Variants in CPXM2 observed in about 807,000 individuals in gnomAD.
CPXM2 encodes the protein inactive carboxypeptidase-like protein X2.
Under a neutral mutation model 86.1 loss-of-function variants are expected in CPXM2, and 66 were observed. The ratio of observed to expected loss-of-function variants is 0.77; its 90% CI spans 0.63 to 0.94. The LOEUF (loss-of-function observed/expected upper bound fraction) is 0.94, where lower values mean the gene tolerates loss of function less well. Among genes scored for constraint, CPXM2 ranks in the 40% least tolerant of loss-of-function variants. The pLI is 0.00. For missense variants in CPXM2, 948 were observed against 1,026.3 expected (o/e 0.92, Z 1.04); for synonymous variants, 388 against 400.2 (o/e 0.97, Z 0.36).
intron 13 of CPXM2, among the ~76,000 whole-genome samples, chr10:123,748,304 A>G (rs1846007700): frequency 1.3e-5 from 2 of 152,162 alleles, no homozygotes; most frequent in Admixed American, 1.3e-4. Flanking sequence ...GGTTTGATCA[A>G]GTACTAAGTA....
intron 1 of CPXM2, among the ~76,000 whole-genome samples, chr10:123,886,151 T>C (rs1417310870): frequency 6.6e-6 from 1 of 152,244 alleles, no homozygotes. Flanking sequence ...CAAAACACTT[T>C]GGATTTAACT....
At chr10:123,907,759 C>T (rs908005602) in intron 2 of CPXM2, among the ~76,000 whole-genome samples, 7 of 130,608 alleles carry the variant, frequency 5.4e-5, no homozygotes, top group Admixed American at 7.7e-5. Flanking sequence ...GACTGGACCC[C>T]GCAAGGCGCC....
chr10:123,869,989 TG>T (rs994184055), intron 2 of CPXM2, among the ~76,000 whole-genome samples: 7 of 151,926 alleles, frequency 4.6e-5, no homozygotes, highest in Admixed American at 2.0e-4. Flanking sequence ...GTCCAGGGGG[TG>T]GGGGGCCGTT....
intron 6 of CPXM2, among the ~76,000 whole-genome samples, chr10:123,784,845 A>G (rs1037823010): frequency 7.9e-5 from 12 of 152,232 alleles, no homozygotes; most frequent in Admixed American, 3.3e-4. Flanking sequence ...CGATTGAGGC[A>G]GAAGAATAGG....
chr10:123,819,288 C>T (rs1847877540), intron 4 of CPXM2, among the ~76,000 whole-genome samples: 1 of 152,152 alleles, frequency 6.6e-6, no homozygotes, highest in African/African-American at 2.4e-5. Flanking sequence ...TGGGAAGCTA[C>T]AACAGCCCAA....
chr10:123,842,370 T>C lies in CPXM2; in HGVS notation c.632A>G (p.Gln211Arg), dbSNP rs751859621. ...TCACAGCCAGAGGGAGTTCCTCCCT[T>C]GAGTGATGACACCAGTGAATCTGGT... ...RLTRFTGVITQGRNSLWLSDW... is the reference protein window; with the variant it reads ...RLTRFTGVITRGRNSLWLSDW... Residue 211 changes from glutamine (Q) to arginine (R), a missense_variant, in exon 4 of 14, where the codon CAA (glutamine) becomes CGA (arginine). Gln to Arg is a conservative substitution (Grantham distance 43). Coordinates refer to ENST00000241305, the MANE Select transcript of CPXM2 (RefSeq NM_198148.3). 1.9e-6 allele frequency: 3 copies of C among 1,614,108 alleles called. No homozygotes were observed. The highest frequency in any genetic ancestry group is 2.5e-6 in the Non-Finnish European group (3 of 1,180,048).
chr10:123,923,733 A>T (rs1009376856), intron 2 of CPXM2, among the ~76,000 whole-genome samples: 14 of 152,174 alleles, frequency 9.2e-5, no homozygotes, highest in African/African-American at 3.1e-4. Context: ...CCAGTGGGAG[A>T]TAATTGAATC....
intron 12 of CPXM2, among the ~76,000 whole-genome samples, chr10:123,755,194 C>T (rs1043285656): frequency 4.6e-5 from 7 of 152,220 alleles, no homozygotes; most frequent in South Asian, 4.1e-4. Context: ...GGCATGCTTT[C>T]GGCATGCCCT....
intron 2 of CPXM2, among the ~76,000 whole-genome samples, chr10:123,923,537 C>T (rs1202708185): frequency 7.3e-5 from 11 of 150,402 alleles, no homozygotes; most frequent in South Asian, 2.1e-4. Flanking sequence ...GCCGAGATCG[C>T]GCCACTGCAC....
intron 3 of CPXM2, among the ~76,000 whole-genome samples, chr10:123,857,717 A>G (rs1848766307): frequency 6.6e-6 from 1 of 152,128 alleles, no homozygotes; most frequent in Non-Finnish European, 1.5e-5. Context: ...GGCAAAACGG[A>G]GAAGAACCTG....
chr10:123,919,276 C>T (rs1945561988), intron 2 of CPXM2, among the ~76,000 whole-genome samples: 1 of 152,212 alleles, frequency 6.6e-6, no homozygotes, highest in African/African-American at 2.4e-5. Context: ...TGGTCCATTC[C>T]TAACCAGCTT....
At chr10:123,912,311 G>T (rs1356430880) in intron 2 of CPXM2, among the ~76,000 whole-genome samples, 1 of 121,820 alleles carries the variant, frequency 8.2e-6, no homozygotes, top group Non-Finnish European at 1.8e-5. Flanking sequence ...TGGTGGGCGG[G>T]GGGGGGGGGG....
intron 6 of CPXM2, among the ~76,000 whole-genome samples, chr10:123,788,279 CA>C (rs55818352): frequency 0.19 from 23,699 of 123,890 alleles, 2,131 homozygotes; most frequent in East Asian, 0.43. Flanking sequence ...GACCCCATCT[CA>C]AAAAAAAAAA....
chr10:123,796,928 A>C (rs1334933761), intron 6 of CPXM2, among the ~76,000 whole-genome samples: 2 of 152,200 alleles, frequency 1.3e-5, no homozygotes, highest in East Asian at 3.9e-4. Context: ...TGAAGTGATG[A>C]GGCCCTGTAG....
At chr10:123,781,258 T>A (rs1044657328) in intron 6 of CPXM2, among the ~76,000 whole-genome samples, 25 of 152,188 alleles carry the variant, frequency 1.6e-4, no homozygotes, top group African/African-American at 5.1e-4. Context: ...AGGGAGGCAA[T>A]GTCTGCTCTT....
In CPXM2 at chr10:123,862,638, TG is replaced by T; in HGVS notation, c.488del (p.Ala163AspfsTer40). 6.2e-7 allele frequency: 1 copy of T among 1,614,174 alleles called. No homozygotes were observed. The highest frequency in any genetic ancestry group is 8.5e-7 in the Non-Finnish European group (1 of 1,180,014). ...CCTGGATGTTGAGTCTCCCTCGATGTGCCCCCAGGCCATAGCGCTTCACCGT... is the reference window on the plus strand; with the variant it reads ...CCTGGATGTTGAGTCTCCCTCGATGTCCCCCAGGCCATAGCGCTTCACCGT... ...ASTVKRYGLG[A>X]HRGRLNIQAG... On this transcript the variant is annotated frameshift_variant, in exon 3 of 14. Transcript: ENST00000241305. LOFTEE classifies it high-confidence loss of function.
intron 4 of CPXM2, among the ~76,000 whole-genome samples, chr10:123,837,824 T>C (rs59497975): frequency 0.19 from 29,193 of 152,216 alleles, 3,607 homozygotes; most frequent in African/African-American, 0.35. Flanking sequence ...CTAATAAAAC[T>C]GCGGTTGTAG....
chr10:123,940,224 A>G (rs1307996872), exon 1 of CPXM2: 1 of 152,292 alleles, frequency 6.6e-6, no homozygotes, highest in Non-Finnish European at 1.5e-5. Flanking sequence ...CTTCCCTGAA[A>G]GCTGCTGCCT....
intron 2 of CPXM2, among the ~76,000 whole-genome samples, chr10:123,936,359 T>C (rs568079167): frequency 1.3e-5 from 2 of 152,310 alleles, no homozygotes; most frequent in Middle Eastern, 3.4e-3. Flanking sequence ...GGCAGATAAG[T>C]CAGGAGCTGA....
Sources: gnomAD v4.1 joint callset for allele counts (sites outside exome capture counted in the v4.1 genomes callset) on GRCh38, gnomAD v4.1.1 for gene constraint, MANE v1.5 for transcripts, NCBI Gene and HGNC (gene_info 2026-07-23, HGNC 2026-07-21) for gene names.